RABGAP1L: variants seen among roughly 807,000 people sequenced by gnomAD.
RABGAP1L encodes rab GTPase-activating protein 1-like.
Under a neutral mutation model 137.7 loss-of-function variants are expected in RABGAP1L, and 63 were observed. The observed-to-expected ratio is 0.46, with a 90% CI of 0.37 to 0.56. The LOEUF (loss-of-function observed/expected upper bound fraction) is 0.56. Among genes scored for constraint, RABGAP1L ranks in the 20% least tolerant of loss-of-function variants. The probability of loss-of-function intolerance (pLI) is 0.00; values close to 1 mark genes in which losing one functional copy is unlikely to be tolerated. For missense variants in RABGAP1L, 1,095 were observed against 1,244.0 expected (o/e 0.88, Z 1.80); for synonymous variants, 431 against 433.7 (o/e 0.99, Z 0.08).
At chr1:174,667,296 C>G (rs1676859166) in intron 14 of RABGAP1L, among the ~76,000 whole-genome samples, 1 of 152,128 alleles carries the variant, frequency 6.6e-6, no homozygotes. Context: ...GTACCCCCAT[C>G]TCCATGGACA....
chr1:174,345,204 T>C (rs1222098385), intron 11 of RABGAP1L, among the ~76,000 whole-genome samples: 7 of 152,214 alleles, frequency 4.6e-5, no homozygotes, highest in Admixed American at 2.6e-4. Flanking sequence ...TTTAGTATAA[T>C]TTGAAGTCAG....
intron 15 of RABGAP1L, among the ~76,000 whole-genome samples, chr1:174,690,597 G>A (rs1678799503): frequency 6.6e-6 from 1 of 151,840 alleles, no homozygotes; most frequent in South Asian, 2.1e-4. Context: ...TTTTCTTTTG[G>A]TCCCTGGTCC....
intron 19 of RABGAP1L, among the ~76,000 whole-genome samples, chr1:174,877,995 C>A (rs1368752375): frequency 6.6e-6 from 1 of 152,134 alleles, no homozygotes; most frequent in African/African-American, 2.4e-5. Context: ...CATCAGGTAA[C>A]TTTCAGGGTC....
At chr1:174,737,767 G>A (rs1013764280) in intron 17 of RABGAP1L, among the ~76,000 whole-genome samples, 13 of 152,212 alleles carry the variant, frequency 8.5e-5, no homozygotes, top group African/African-American at 2.9e-4. Flanking sequence ...ACCAACATCT[G>A]TTCAACTCCT....
intron 19 of RABGAP1L, among the ~76,000 whole-genome samples, chr1:174,891,559 G>A (rs1656144364): frequency 6.6e-6 from 1 of 152,174 alleles, no homozygotes; most frequent in African/African-American, 2.4e-5. Flanking sequence ...CTCGTGTGCA[G>A]TGGTGATCAG....
intron 11 of RABGAP1L, among the ~76,000 whole-genome samples, chr1:174,306,429 G>C (rs1290953346): frequency 6.6e-6 from 1 of 152,178 alleles, no homozygotes; most frequent in Non-Finnish European, 1.5e-5. Context: ...AGCACCTGTT[G>C]TTTCCTGACT....
At chr1:174,355,476 G>A (rs1044902468) in intron 11 of RABGAP1L, among the ~76,000 whole-genome samples, 3 of 128,816 alleles carry the variant, frequency 2.3e-5, no homozygotes, top group African/African-American at 1.0e-4. Flanking sequence ...GGTGGGGGGA[G>A]TGGGGAGGGA....
intron 19 of RABGAP1L, among the ~76,000 whole-genome samples, chr1:174,823,441 T>C (rs970050792): frequency 6.6e-6 from 1 of 152,236 alleles, no homozygotes; most frequent in Non-Finnish European, 1.5e-5. Context: ...CTTGAATTCA[T>C]ATTAACATTA....
intron 19 of RABGAP1L, chr1:174,874,578 C>A (rs1652763741): frequency 4.4e-6 from 1 of 229,870 alleles, no homozygotes; most frequent in Non-Finnish European, 5.3e-6. Context: ...ACACCACTGC[C>A]TTTTTTTTTT....
intron 12 of RABGAP1L, among the ~76,000 whole-genome samples, chr1:174,381,274 G>A (rs1429012660): frequency 1.4e-5 from 2 of 146,570 alleles, no homozygotes; most frequent in South Asian, 4.4e-4. Context: ...TGTTGATTTG[G>A]GGTGGAGAGT....
At chr1:174,536,776 C>A (rs1303108592) in intron 13 of RABGAP1L, among the ~76,000 whole-genome samples, 1 of 152,064 alleles carries the variant, frequency 6.6e-6, no homozygotes, top group Non-Finnish European at 1.5e-5. Flanking sequence ...ATTGTTAATT[C>A]TTTTCAGCAG....
intron 10 of RABGAP1L, among the ~76,000 whole-genome samples, chr1:174,298,052 G>GA (rs56791546): frequency 0.012 from 1,853 of 152,074 alleles, 48 homozygotes; most frequent in African/African-American, 0.043. Flanking sequence ...GAGAAAAAAG[G>GA]AAAAAAGAGG....
chr1:174,532,286 G>A (rs573675920), intron 13 of RABGAP1L, among the ~76,000 whole-genome samples: 15 of 151,222 alleles, frequency 9.9e-5, no homozygotes, highest in South Asian at 4.2e-4. Context: ...TCAGCTCACC[G>A]CAGCCTTTGC....
chr1:174,387,467 T>C (rs1231125646), intron 12 of RABGAP1L, among the ~76,000 whole-genome samples: 1 of 152,124 alleles, frequency 6.6e-6, no homozygotes, highest in African/African-American at 2.4e-5. Context: ...TACAATGAAG[T>C]CTCATGTGCC....
intron 19 of RABGAP1L, among the ~76,000 whole-genome samples, chr1:174,953,734 A>C (rs1316498302): frequency 6.6e-6 from 1 of 152,222 alleles, no homozygotes; most frequent in Non-Finnish European, 1.5e-5. Context: ...GATGAAACGT[A>C]ATAGAAAGTA....
intron 13 of RABGAP1L, among the ~76,000 whole-genome samples, chr1:174,635,410 C>A (rs957549636): frequency 1.3e-5 from 2 of 152,070 alleles, no homozygotes; most frequent in Non-Finnish European, 2.9e-5. Flanking sequence ...TTGGAGAAAA[C>A]CTGGCAGTGA....
intron 13 of RABGAP1L, among the ~76,000 whole-genome samples, chr1:174,559,114 T>G (rs1237670521): frequency 6.6e-6 from 1 of 152,208 alleles, no homozygotes; most frequent in African/African-American, 2.4e-5. Flanking sequence ...TTTTGTTACT[T>G]AAGTATTCAC....
chr1:174,175,171 A>G (rs1665732614), intron 1 of RABGAP1L, among the ~76,000 whole-genome samples: 2 of 152,102 alleles, frequency 1.3e-5, no homozygotes, highest in African/African-American at 4.8e-5. Flanking sequence ...CCAGTAGATT[A>G]TGGAATGCTA....
chr1:174,163,549 T>C (rs1187044664), intron 1 of RABGAP1L, among the ~76,000 whole-genome samples: 1 of 152,036 alleles, frequency 6.6e-6, no homozygotes, highest in Non-Finnish European at 1.5e-5. Flanking sequence ...CTTGAAATTC[T>C]GAGCCTTCTT....
Sources: allele counts gnomAD v4.1 joint callset (sites outside exome capture counted in the v4.1 genomes callset), GRCh38; gene constraint gnomAD v4.1.1; transcripts MANE v1.5; gene names NCBI Gene and HGNC (gene_info 2026-07-23, HGNC 2026-07-21).